MAP3K7CL: variants seen among roughly 807,000 people sequenced by gnomAD.
MAP3K7CL encodes MAP3K7 C-terminal like.
MAP3K7CL carries 16 observed loss-of-function variants against 18.6 expected under a neutral mutation model. That is an observed-to-expected ratio of 0.86 (90% confidence interval 0.58 to 1.31). The LOEUF is 1.31. Among genes scored for constraint, MAP3K7CL ranks in the 50% most tolerant of loss-of-function variants. The probability of loss-of-function intolerance (pLI) is 0.00; values close to 1 mark genes in which losing one functional copy is unlikely to be tolerated. For synonymous variants in MAP3K7CL, 65 were observed against 66.8 expected, an observed-to-expected ratio of 0.97 and a Z score of 0.13; for missense variants, 163 against 174.4, an observed-to-expected ratio of 0.93 and a Z score of 0.37.
intron 4 of MAP3K7CL, among the ~76,000 whole-genome samples, chr21:29,096,455 A>G (rs906003279): frequency 2.0e-5 from 3 of 152,190 alleles, no homozygotes; most frequent in African/African-American, 7.2e-5. Context: ...ATAGCAGGTG[A>G]ATGACCTACA....
intron 4 of MAP3K7CL, among the ~76,000 whole-genome samples, chr21:29,106,956 G>A (rs2086333488): frequency 6.6e-6 from 1 of 152,224 alleles, no homozygotes; most frequent in Non-Finnish European, 1.5e-5. Context: ...AGGCAGGCCT[G>A]TGTAGGGCTT....
rs1312758687 is a variant in MAP3K7CL at position 29,100,652 on chromosome 21, A to C, written c.370+8071A>C. 2.0e-5 allele frequency among the ~76,000 whole-genome samples: 3 copies of C among 149,298 alleles called. No individual in the cohort carries two copies. In the Admixed American group the frequency reaches 2.0e-4, roughly 10 times the overall value. ...ACCTGGAAAAGTGTAGTAGTTATCTATTACGGTGTTACAGATAACCCCAAC... is the reference window on the plus strand; with the variant it reads ...ACCTGGAAAAGTGTAGTAGTTATCTCTTACGGTGTTACAGATAACCCCAAC... On this transcript the variant is annotated intron_variant, in intron 4 of 6. Transcript: ENST00000286791.
chr21:29,151,290 C>G (rs1395576296), intron 3 of MAP3K7CL, among the ~76,000 whole-genome samples: 2 of 151,604 alleles, frequency 1.3e-5, no homozygotes, highest in Non-Finnish European at 2.9e-5. Context: ...AACCCCATCT[C>G]TACTAAAAAT....
At chr21:29,099,944 G>A (rs1197307423) in intron 4 of MAP3K7CL, among the ~76,000 whole-genome samples, 31 of 152,032 alleles carry the variant, frequency 2.0e-4, no homozygotes, top group Admixed American at 1.9e-3. Context: ...TTAGCCGGGC[G>A]TGGTGGCGGG....
In MAP3K7CL at chr21:29,158,475, G is replaced by A. The variant is rs749873581; in HGVS notation, c.133-1466G>A. Among the ~76,000 whole-genome samples, 102 of 152,290 alleles carry A rather than the reference G, an allele frequency of 6.7e-4. 2 individuals carry two copies. Among genetic ancestry groups the A allele is most frequent in the South Asian group, 4.1e-4 (2 of 4,834 alleles). ...AACTGGGACATAACAGATGTTCCACGTGAAGGTAAATTTGACCTAAATCTA... is the reference window on the plus strand; with the variant it reads ...AACTGGGACATAACAGATGTTCCACATGAAGGTAAATTTGACCTAAATCTA... On this transcript the variant is annotated intron_variant, in intron 3 of 4. Coordinates refer to ENST00000399928, the MANE Select transcript of MAP3K7CL (RefSeq NM_001286620.2).
chr21:29,111,289 AC>A (rs2086416336), intron 4 of MAP3K7CL, among the ~76,000 whole-genome samples: 2 of 151,956 alleles, frequency 1.3e-5, no homozygotes, highest in South Asian at 2.1e-4. Flanking sequence ...AACAACAACA[AC>A]AACAAAAAAC....
intron 4 of MAP3K7CL, among the ~76,000 whole-genome samples, chr21:29,100,070 G>A (rs1266716560): frequency 3.5e-4 from 50 of 144,296 alleles, no homozygotes; most frequent in African/African-American, 1.2e-3. Flanking sequence ...GCGACAGAGC[G>A]AGACTCCGTC....
chr21:29,157,714 A>G (rs908288805), intron 3 of MAP3K7CL, among the ~76,000 whole-genome samples: 1 of 152,200 alleles, frequency 6.6e-6, no homozygotes, highest in Non-Finnish European at 1.5e-5. Flanking sequence ...ATTTCCCACA[A>G]TTAAGAGGTG....
Position 29,175,209 on chromosome 21 carries a change from A to G in MAP3K7CL, c.*317A>G, listed in dbSNP as rs1213982048. ...GGGTAGAAAATGATAAAAATAGACT[A>G]TTGACTGACCCAGCTAAGAATCGTG... On this transcript the variant is annotated 3_prime_UTR_variant, in exon 5 of 5. Transcript: ENST00000399928. The G allele has an allele frequency of 5.5e-6, 1 of 181,224 alleles. No homozygotes were observed. The highest frequency in any genetic ancestry group is 1.5e-4 in the East Asian group (1 of 6,796). The allele number at this position is 181,224 out of a possible 1,614,324, so 11.2% of individuals were successfully genotyped here. A position where few individuals can be genotyped will look rare whatever the true frequency, so the allele number is the denominator to read the frequency against.
At chr21:29,083,991 ACACACATGT>A, upstream of MAP3K7CL, among the ~76,000 whole-genome samples, 1 of 147,838 alleles carries the variant, frequency 6.8e-6, no homozygotes, top group Non-Finnish European at 1.5e-5. Flanking sequence ...ACATATGTAT[ACACACATGT>A]ATATGTATAT....
intron 4 of MAP3K7CL, among the ~76,000 whole-genome samples, chr21:29,170,547 T>C (rs989584807): frequency 7.2e-5 from 11 of 152,312 alleles, no homozygotes; most frequent in Admixed American, 5.2e-4. Flanking sequence ...ATCATTTATA[T>C]GACACAAGTA....
At chr21:29,163,303 G>A (rs2087599573) in intron 4 of MAP3K7CL, among the ~76,000 whole-genome samples, 1 of 152,094 alleles carries the variant, frequency 6.6e-6, no homozygotes, top group African/African-American at 2.4e-5. Flanking sequence ...TACTTGAAGT[G>A]TCTCCCTAAA....
intron 3 of MAP3K7CL, among the ~76,000 whole-genome samples, chr21:29,151,705 C>CT (rs1041877571): frequency 6.6e-6 from 1 of 152,136 alleles, no homozygotes; most frequent in Non-Finnish European, 1.5e-5. Flanking sequence ...ATTAATTCTA[C>CT]TTTTTTTGTG....
At chr21:29,153,370 A>T (rs544309549) in intron 3 of MAP3K7CL, among the ~76,000 whole-genome samples, 5 of 152,296 alleles carry the variant, frequency 3.3e-5, no homozygotes, top group African/African-American at 9.6e-5. Flanking sequence ...GAGTAGAGCT[A>T]GTGTAGATGA....
chr21:29,080,965 A>T (rs1042639288), upstream of MAP3K7CL, among the ~76,000 whole-genome samples: 1 of 152,114 alleles, frequency 6.6e-6, no homozygotes, highest in East Asian at 1.9e-4. Context: ...TACCAAATCC[A>T]GTTTTTACTC....
At chr21:29,123,562 A>C (rs2086634459) in intron 4 of MAP3K7CL, among the ~76,000 whole-genome samples, 1 of 152,216 alleles carries the variant, frequency 6.6e-6, no homozygotes, top group South Asian at 2.1e-4. Flanking sequence ...TTTGCAAAAA[A>C]AGAGGGAGGA....
chr21:29,095,463 G>A (rs924336573), intron 4 of MAP3K7CL, among the ~76,000 whole-genome samples: 7 of 152,244 alleles, frequency 4.6e-5, no homozygotes, highest in Non-Finnish European at 8.8e-5. Context: ...AGCTGGAGCC[G>A]TCCTCTTTTG....
At chr21:29,136,215 C>T (rs1339927015) in intron 2 of MAP3K7CL, among the ~76,000 whole-genome samples, 1 of 152,154 alleles carries the variant, frequency 6.6e-6, no homozygotes, top group Non-Finnish European at 1.5e-5. Flanking sequence ...AGATGCTTTG[C>T]AGATATTTGG....
chr21:29,166,735 A>G (rs2087698133), intron 4 of MAP3K7CL, among the ~76,000 whole-genome samples: 1 of 152,244 alleles, frequency 6.6e-6, no homozygotes, highest in African/African-American at 2.4e-5. Context: ...ATGCATCAGT[A>G]CTTCATTCTT....
Sources: allele counts gnomAD v4.1 joint callset (sites outside exome capture counted in the v4.1 genomes callset), GRCh38; gene constraint gnomAD v4.1.1; transcripts MANE v1.5; gene names NCBI Gene and HGNC (gene_info 2026-07-23, HGNC 2026-07-21).